ASAP2: variants seen among roughly 807,000 people sequenced by gnomAD.
ASAP2 encodes ArfGAP with SH3 domain, ankyrin repeat and PH domain 2.
A neutral mutation model predicts 131.4 loss-of-function variants in ASAP2; 45 were observed. The observed-to-expected ratio is 0.34, with a 90% CI of 0.27 to 0.44. The LOEUF is 0.44. Ranked by LOEUF, ASAP2 falls within the 20% of genes least tolerant of loss-of-function variation. ASAP2 has a pLI of 1.00. For synonymous variants in ASAP2, 510 were observed against 503.0 expected, an observed-to-expected ratio of 1.01 and a Z score of -0.19; for missense variants, 1,011 against 1,297.0, an observed-to-expected ratio of 0.78 and a Z score of 3.39.
intron 1 of ASAP2, among the ~76,000 whole-genome samples, chr2:9,273,139 G>C (rs984418428): frequency 6.6e-6 from 1 of 152,166 alleles, no homozygotes; most frequent in Non-Finnish European, 1.5e-5. Flanking sequence ...GTTCTGGGTA[G>C]TATGGACATT....
intron 5 of ASAP2, 63 bp downstream of exon 5, chr2:9,320,400 TC>T: frequency 8.2e-7 from 1 of 1,225,326 alleles, no homozygotes. Context: ...TAAACCAACC[TC>T]GTATTGCTTA....
rs1279494397 is a variant in ASAP2 at position 9,401,312 on chromosome 2, C to T, written c.2862C>T (p.Asn954=). ...LKPKRVKALY[N]CVADNPDELT... ...CTAAGCGGGTGAAAGCGCTCTATAA[C>T]TGTGTGGCTGACAACCCCGATGAGC... The change falls in exon 27 of 28, where the codon AAC becomes AAT. Residue 954 remains asparagine, a synonymous_variant. Coordinates refer to ENST00000281419, the MANE Select transcript of ASAP2 (RefSeq NM_003887.3). 1.4e-5 allele frequency: 23 copies of T among 1,613,500 alleles called. No individual in the cohort carries two copies. Among genetic ancestry groups the T allele is most frequent in the Non-Finnish European group, 1.9e-5 (22 of 1,179,942 alleles).
intron 2 of ASAP2, among the ~76,000 whole-genome samples, chr2:9,289,653 G>A (rs975042684): frequency 3.3e-5 from 5 of 152,104 alleles, no homozygotes; most frequent in Admixed American, 1.3e-4. Context: ...TTGGGGTGAC[G>A]TTTAGTTATT....
intron 1 of ASAP2, among the ~76,000 whole-genome samples, chr2:9,262,535 A>G (rs1244672130): frequency 6.6e-6 from 1 of 152,236 alleles, no homozygotes; most frequent in African/African-American, 2.4e-5. Flanking sequence ...TCACGCGGCT[A>G]GTAATTGGAG....
intron 1 of ASAP2, among the ~76,000 whole-genome samples, chr2:9,261,587 A>G (rs984708402): frequency 1.3e-5 from 2 of 152,222 alleles, no homozygotes; most frequent in African/African-American, 2.4e-5. Flanking sequence ...TTTATCTCAA[A>G]TGCTAGTGAG....
intron 3 of ASAP2, 27 bp from the exon 4 acceptor site, chr2:9,318,497 G>A (rs1302194954): frequency 6.5e-7 from 1 of 1,538,516 alleles, no homozygotes; most frequent in Non-Finnish European, 9.0e-7. Flanking sequence ...AGCTGAATAA[G>A]AATCTCCTTT....
rs111780748 is a variant in ASAP2 at position 9,378,764 on chromosome 2, C to A, written c.1833-180C>A. ...CCTGATGACCTTCTGCTAAGGCTTC[C>A]CCAGCCATGTAGGCAGGGACGGTGC... On this transcript the variant is annotated intron_variant, in intron 18 of 27. Transcript: ENST00000281419. Among the ~76,000 whole-genome samples, 719 of 152,352 alleles carry A rather than the reference C, an allele frequency of 4.7e-3. 6 individuals carry two copies. Among genetic ancestry groups the A allele is most frequent in the African/African-American group, 0.017 (689 of 41,594 alleles).
At chr2:9,298,026 C>T (rs1193932956) in intron 3 of ASAP2, among the ~76,000 whole-genome samples, 1 of 152,150 alleles carries the variant, frequency 6.6e-6, no homozygotes, top group African/African-American at 2.4e-5. Flanking sequence ...TTTCTTGTGC[C>T]TGGCAGCTCT....
intron 3 of ASAP2, among the ~76,000 whole-genome samples, chr2:9,310,052 A>G (rs114012647): frequency 0.018 from 2,695 of 152,298 alleles, 94 homozygotes; most frequent in African/African-American, 0.061. Context: ...TCTGCTAAGA[A>G]TGCTCTTAAT....
chr2:9,207,378 T>G lies in ASAP2; in HGVS notation c.126+148T>G. Reference sequence around the variant, plus strand: ...CCCTGCCCGAGACAGAAGCCCTTTGTTCCCGCCTAGGTGGCTCGGAGGAGA... The same window carrying G: ...CCCTGCCCGAGACAGAAGCCCTTTGGTCCCGCCTAGGTGGCTCGGAGGAGA... On this transcript the variant is annotated intron_variant, in intron 1 of 27. Coordinates refer to ENST00000281419, the MANE Select transcript of ASAP2 (RefSeq NM_003887.3). The surrounding 1 kb of genome is among the most constrained non-coding windows in gnomAD (Gnocchi z 4.1). The G allele has an allele frequency of 1.1e-5, 13 of 1,158,672 alleles. No homozygotes were observed. The highest frequency in any genetic ancestry group is 6.3e-5 in the East Asian group (2 of 31,822). 71.8% of individuals were successfully genotyped at this position (1,158,672 alleles called of 1,614,324 possible). A position where few individuals can be genotyped will look rare whatever the true frequency, so the allele number is the denominator to read the frequency against.
At position 9,207,194 on chromosome 2, in the gene ASAP2, G is replaced by T; in HGVS notation, c.90G>T (p.Thr30=). Residue 30 remains threonine (T), a synonymous_variant, in exon 1 of 28, where the codon ACG becomes ACT. Transcript: ENST00000281419. The surrounding 1 kb of genome is among the most constrained non-coding windows in gnomAD (Gnocchi z 4.1). The part of the protein sequence containing the change: ...APTASSFTTR[T]AQCRNTVAAI... ...CGGCCTCCAGCTTCACCACCCGCAC[G>T]GCGCAGTGCCGGAACACTGTGGCGG... 6.2e-7 allele frequency: 1 copy of T among 1,602,442 alleles called. No homozygotes were observed.
intron 2 of ASAP2, among the ~76,000 whole-genome samples, chr2:9,288,312 T>C (rs1446822984): frequency 2.6e-5 from 4 of 152,226 alleles, no homozygotes; most frequent in Admixed American, 6.5e-5. Context: ...AAGATATTTC[T>C]ACACGTATGT....
At chr2:9,355,936 T>C (rs894035722) in intron 12 of ASAP2, 111 bp from the exon 13 acceptor site, 1 of 1,333,024 alleles carries the variant, frequency 7.5e-7, no homozygotes, top group Non-Finnish European at 1.1e-6. Context: ...ATCAGTAATT[T>C]CGTAACAGAG....
intron 4 of ASAP2, among the ~76,000 whole-genome samples, chr2:9,319,482 T>C (rs1670017025): frequency 6.6e-6 from 1 of 152,082 alleles, no homozygotes; most frequent in African/African-American, 2.4e-5. Context: ...TTAGCCCAAC[T>C]CACGGGCGGG....
chr2:9,291,378 G>T (rs1246541698), intron 2 of ASAP2, among the ~76,000 whole-genome samples: 4 of 152,176 alleles, frequency 2.6e-5, no homozygotes, highest in Admixed American at 2.6e-4. Context: ...TGTCCACTAA[G>T]TAGAGACCCT....
intron 1 of ASAP2, among the ~76,000 whole-genome samples, chr2:9,236,616 A>C (rs1026819244): frequency 2.6e-5 from 4 of 152,222 alleles, no homozygotes; most frequent in Non-Finnish European, 5.9e-5. Flanking sequence ...GCAAAGGGAA[A>C]TAAAAACTTG....
In ASAP2 at chr2:9,392,777, G is replaced by A. The variant is rs952601804; in HGVS notation, c.2519-705G>A. Among the ~76,000 whole-genome samples the A allele has an allele frequency of 1.9e-4, 29 of 152,080 alleles. No homozygotes were observed. The highest frequency in any genetic ancestry group is 6.3e-4 in the African/African-American group (26 of 41,548). The stretch of plus-strand genomic sequence containing the variant: ...CAGAGGGAAACCCAGCGCCTTATGT[G>A]TTACCCATCCTGAGGCCCAGTATGA... On this transcript the variant is annotated intron_variant, in intron 23 of 27. Coordinates refer to ENST00000281419, the MANE Select transcript of ASAP2 (RefSeq NM_003887.3). The surrounding 1 kb of genome is among the most constrained non-coding windows in gnomAD (Gnocchi z 4.0).
At chr2:9,329,225 T>C (rs957193579) in intron 7 of ASAP2, among the ~76,000 whole-genome samples, 2 of 152,192 alleles carry the variant, frequency 1.3e-5, no homozygotes, top group African/African-American at 4.8e-5. Flanking sequence ...GAAACGAAAC[T>C]GCATGGAAAA....
intron 1 of ASAP2, chr2:9,271,165 G>A (rs539062295): frequency 1.8e-4 from 89 of 494,614 alleles, no homozygotes; most frequent in East Asian, 8.6e-4. Flanking sequence ...AGTTAAAAGC[G>A]GACCCCAAAT....
Sources: gnomAD v4.1 joint callset for allele counts (sites outside exome capture counted in the v4.1 genomes callset) on GRCh38, gnomAD v4.1.1 for gene constraint, Gnocchi (gnomAD v3.1) non-coding constraint, MANE v1.5 for transcripts, NCBI Gene and HGNC (gene_info 2026-07-23, HGNC 2026-07-21) for gene names.